ADAMTS3: variants seen among roughly 807,000 people sequenced by gnomAD.
ADAMTS3 encodes A disintegrin and metalloproteinase with thrombospondin motifs 3.
Under a neutral mutation model 129.0 loss-of-function variants are expected in ADAMTS3, and 73 were observed. The ratio of observed to expected loss-of-function variants is 0.57; its 90% CI spans 0.47 to 0.69. The LOEUF (loss-of-function observed/expected upper bound fraction) is 0.69, where lower values mean the gene tolerates loss of function less well. Among genes scored for constraint, ADAMTS3 ranks in the 30% least tolerant of loss-of-function variants. The probability of loss-of-function intolerance (pLI) is 0.00; values close to 1 mark genes in which losing one functional copy is unlikely to be tolerated. For missense variants in ADAMTS3, 1,457 were observed against 1,514.5 expected, an observed-to-expected ratio of 0.96 and a Z score of 0.63; for synonymous variants, 477 against 510.8, an observed-to-expected ratio of 0.93 and a Z score of 0.89.
intron 3 of ADAMTS3, among the ~76,000 whole-genome samples, chr4:72,429,605 AC>A (rs1722649163): frequency 2.0e-5 from 3 of 152,180 alleles, no homozygotes; most frequent in African/African-American, 7.2e-5. Flanking sequence ...GTGACTGATA[AC>A]TATTAAAGCT....
At chr4:72,441,353 T>C (rs1195238088) in intron 3 of ADAMTS3, among the ~76,000 whole-genome samples, 1 of 151,820 alleles carries the variant, frequency 6.6e-6, no homozygotes, top group Non-Finnish European at 1.5e-5. Context: ...TCAATTCTTG[T>C]GCACATTTTA....
intron 20 of ADAMTS3, 119 bp from the exon 21 acceptor site, chr4:72,288,987 G>A (rs1469112181): frequency 1.5e-6 from 1 of 676,592 alleles, no homozygotes; most frequent in African/African-American, 1.8e-5. Context: ...GAGATCTGGA[G>A]TGGGTTCTCT....
chr4:72,385,668 G>A (rs1026494543), intron 4 of ADAMTS3, among the ~76,000 whole-genome samples: 8 of 152,056 alleles, frequency 5.3e-5, no homozygotes, highest in Admixed American at 6.6e-5. Flanking sequence ...CTGAGTGACT[G>A]TATTACTATC....
intron 4 of ADAMTS3, among the ~76,000 whole-genome samples, chr4:72,383,185 G>A (rs187662018): frequency 6.6e-6 from 1 of 151,602 alleles, no homozygotes; most frequent in East Asian, 1.9e-4. Flanking sequence ...TCACTTCTGG[G>A]ATGGTTAAGT....
intron 3 of ADAMTS3, among the ~76,000 whole-genome samples, chr4:72,448,938 A>G (rs1037820594): frequency 6.6e-6 from 1 of 151,698 alleles, no homozygotes; most frequent in African/African-American, 2.4e-5. Context: ...CTAAGTTTGT[A>G]TTAATAATCC....
At chr4:72,566,652 C>T (rs1238431924) in intron 2 of ADAMTS3, among the ~76,000 whole-genome samples, 4 of 152,206 alleles carry the variant, frequency 2.6e-5, no homozygotes, top group African/African-American at 9.7e-5. Flanking sequence ...TGTAGCCTGG[C>T]TTCTTGCCAG....
intron 3 of ADAMTS3, among the ~76,000 whole-genome samples, chr4:72,451,500 A>G (rs1259733860): frequency 6.6e-6 from 1 of 151,812 alleles, no homozygotes; most frequent in Non-Finnish European, 1.5e-5. Flanking sequence ...TGGAAAAGCT[A>G]GCCCTGGCCC....
intron 17 of ADAMTS3, among the ~76,000 whole-genome samples, chr4:72,299,281 C>T (rs761425878): frequency 1.3e-5 from 2 of 151,920 alleles, no homozygotes; most frequent in Non-Finnish European, 2.9e-5. Flanking sequence ...ATGTGCATTG[C>T]TCCAGTGATG....
intron 18 of ADAMTS3, 120 bp downstream of exon 18, chr4:72,298,157 G>T: frequency 4.1e-6 from 3 of 725,872 alleles, no homozygotes; most frequent in Non-Finnish European, 6.5e-6. Flanking sequence ...TTGATGTTTT[G>T]ATGGTTATGT....
chr4:72,467,968 C>G (rs11725558), intron 3 of ADAMTS3, among the ~76,000 whole-genome samples: 93,545 of 151,402 alleles, frequency 0.62, 29,617 homozygotes, highest in South Asian at 0.79. Context: ...ATCATATATG[C>G]CTGTATGTAT....
intron 3 of ADAMTS3, among the ~76,000 whole-genome samples, chr4:72,505,924 G>A (rs949404033): frequency 2.0e-5 from 3 of 152,152 alleles, no homozygotes; most frequent in Non-Finnish European, 4.4e-5. Context: ...GGTGTGGAGT[G>A]GAGATGGTGT....
chr4:72,408,888 G>T (rs537405863), intron 4 of ADAMTS3, among the ~76,000 whole-genome samples: 1 of 151,860 alleles, frequency 6.6e-6, no homozygotes, highest in Admixed American at 6.6e-5. Context: ...GACACAGGGA[G>T]GAGAACATCA....
intron 2 of ADAMTS3, among the ~76,000 whole-genome samples, chr4:72,565,943 G>A (rs934552970): frequency 8.5e-5 from 13 of 152,064 alleles, no homozygotes; most frequent in Non-Finnish European, 2.9e-5. Context: ...TTTTTAATTT[G>A]CATATTGAAA....
intron 4 of ADAMTS3, among the ~76,000 whole-genome samples, chr4:72,377,648 G>T (rs1721166412): frequency 6.6e-6 from 1 of 152,142 alleles, no homozygotes; most frequent in Non-Finnish European, 1.5e-5. Flanking sequence ...TTGCCAAGTG[G>T]CATGACATAG....
At chr4:72,468,008 C>A (rs1438446190) in intron 3 of ADAMTS3, among the ~76,000 whole-genome samples, 1 of 151,908 alleles carries the variant, frequency 6.6e-6, no homozygotes, top group Non-Finnish European at 1.5e-5. Flanking sequence ...AACTCTGGAC[C>A]ATTTTGTTCC....
intron 3 of ADAMTS3, among the ~76,000 whole-genome samples, chr4:72,415,575 T>G (rs1722283175): frequency 6.6e-6 from 1 of 151,934 alleles, no homozygotes; most frequent in African/African-American, 2.4e-5. Flanking sequence ...TAATCTAACT[T>G]TATGATTTAA....
chr4:72,330,323 C>T (rs1038926437), intron 5 of ADAMTS3, among the ~76,000 whole-genome samples: 1 of 151,936 alleles, frequency 6.6e-6, no homozygotes, highest in African/African-American at 2.4e-5. Flanking sequence ...ATGCCTGGCC[C>T]CAAACTTTTA....
At chr4:72,384,058 A>G (rs1480845718) in intron 4 of ADAMTS3, among the ~76,000 whole-genome samples, 4 of 151,964 alleles carry the variant, frequency 2.6e-5, no homozygotes, top group Non-Finnish European at 5.9e-5. Flanking sequence ...TTTAACATCA[A>G]TTGAAAGTGA....
intron 3 of ADAMTS3, among the ~76,000 whole-genome samples, chr4:72,484,637 A>G (rs965075289): frequency 4.6e-5 from 7 of 152,208 alleles, no homozygotes; most frequent in African/African-American, 1.7e-4. Flanking sequence ...ACTCACAGCA[A>G]ATCTGCAGTG....
Sources: gnomAD v4.1 joint callset for allele counts (sites outside exome capture counted in the v4.1 genomes callset) on GRCh38, gnomAD v4.1.1 for gene constraint, MANE v1.5 for transcripts, NCBI Gene and HGNC (gene_info 2026-07-23, HGNC 2026-07-21) for gene names.